NFASC: variants seen among roughly 807,000 people sequenced by gnomAD.
The protein encoded by NFASC is neurofascin, also known as neurofascin homolog.
A neutral mutation model predicts 147.5 loss-of-function variants in NFASC; 43 were observed. That is an observed-to-expected ratio of 0.29 (90% CI 0.23 to 0.38). The LOEUF (loss-of-function observed/expected upper bound fraction) is 0.38. NFASC is among the 10% of genes least tolerant of loss of function. The pLI, the probability that NFASC is intolerant of heterozygous loss-of-function variation, is 1.00. For missense variants in NFASC, 1,320 were observed against 1,689.0 expected (o/e 0.78, Z 3.83); for synonymous variants, 622 against 665.5 (o/e 0.93, Z 1.01).
intron 1 of NFASC, among the ~76,000 whole-genome samples, chr1:204,877,049 AATATATTTATTTATATATTTAT>A (rs2079110895): frequency 1.1e-5 from 1 of 92,618 alleles, no homozygotes; most frequent in African/African-American, 6.2e-5. Flanking sequence ...ATATATATAT[AATATATTTATTTATATATTTAT>A]ATATATATAA....
chr1:204,973,154 G>GC, intron 11 of NFASC, 122 bp from the exon 12 acceptor site: 1 of 985,736 alleles, frequency 1.0e-6, no homozygotes, highest in Non-Finnish European at 1.5e-6. Flanking sequence ...CTGTCATCTG[G>GC]CCCCCCATCT....
chr1:204,974,968 C>T (rs1484719478), intron 14 of NFASC, 145 bp downstream of exon 14: 3 of 848,766 alleles, frequency 3.5e-6, no homozygotes, highest in Non-Finnish European at 3.7e-6. Flanking sequence ...CTGTGGAGTC[C>T]TTTTAGGATC....
rs7539078 is a variant in NFASC at position 204,951,587 on chromosome 1, G to A, written c.110-424G>A. ...GGGTTCTTGTCATTCTCCTGCCTCA[G>A]CCTCCCGAGTAGCTGGGACTACAGG... On this transcript the variant is annotated intron_variant, in intron 4 of 29. Coordinates refer to ENST00000339876, the MANE Select transcript of NFASC (RefSeq NM_001005388.3). 7.0e-3 allele frequency among the ~76,000 whole-genome samples: 1,055 copies of A among 151,448 alleles called. 10 individuals are homozygous for A. Among genetic ancestry groups the A allele is most frequent in the African/African-American group, 0.024 (980 of 41,198 alleles).
chr1:204,890,878 A>G (rs1341012827), intron 1 of NFASC, among the ~76,000 whole-genome samples: 1 of 152,166 alleles, frequency 6.6e-6, no homozygotes, highest in Non-Finnish European at 1.5e-5. Flanking sequence ...CCAGGGAGGC[A>G]CTTTTCTAAG....
chr1:204,841,245 A>G (rs568083518), intron 1 of NFASC, among the ~76,000 whole-genome samples: 1 of 152,340 alleles, frequency 6.6e-6, no homozygotes, highest in South Asian at 2.1e-4. Context: ...CATTACACTG[A>G]GAAAATGGAA....
chr1:204,912,052 C>T (rs1308372848), intron 1 of NFASC, among the ~76,000 whole-genome samples: 1 of 151,998 alleles, frequency 6.6e-6, no homozygotes, highest in Non-Finnish European at 1.5e-5. Flanking sequence ...AAAGGACTGT[C>T]AATTGAAGTG....
At chr1:205,005,332 T>C (rs1255560305) in intron 27 of NFASC, among the ~76,000 whole-genome samples, 4 of 152,204 alleles carry the variant, frequency 2.6e-5, no homozygotes, top group African/African-American at 9.6e-5. Flanking sequence ...TCCTCCCAGT[T>C]AGAATTAGGA....
intron 1 of NFASC, among the ~76,000 whole-genome samples, chr1:204,895,169 G>T (rs2083155719): frequency 2.0e-5 from 3 of 151,944 alleles, no homozygotes; most frequent in Admixed American, 1.3e-4. Flanking sequence ...ATCCAAACTG[G>T]TATCCTTCCT....
intron 3 of NFASC, chr1:204,946,268 T>G: frequency 2.0e-6 from 1 of 493,020 alleles, no homozygotes; most frequent in Non-Finnish European, 4.1e-6. Flanking sequence ...CACCAGGAAG[T>G]GAGCTAAGTG....
intron 2 of NFASC, among the ~76,000 whole-genome samples, chr1:204,941,710 T>G (rs1022496899): frequency 1.3e-5 from 2 of 152,154 alleles, no homozygotes; most frequent in African/African-American, 4.8e-5. Context: ...TCTTAGAGAG[T>G]TGGGAAGGTG....
In NFASC at chr1:204,869,327, C is replaced by T. The variant is rs142879673; in HGVS notation, c.-200+40545C>T. On this transcript the variant is annotated intron_variant, in intron 1 of 29. Coordinates refer to ENST00000339876, the MANE Select transcript of NFASC (RefSeq NM_001005388.3). ...CACAATGAGTACTTTATCTTGTTAACAAAAGTGATTTATGTTTACATTGCA... is the reference window on the plus strand; with the variant it reads ...CACAATGAGTACTTTATCTTGTTAATAAAAGTGATTTATGTTTACATTGCA... Among the ~76,000 whole-genome samples, 36 of 152,010 alleles carry T rather than the reference C, an allele frequency of 2.4e-4. No homozygotes were observed. In the East Asian group the frequency reaches 5.6e-3, roughly 24 times the overall value.
chr1:205,004,798 G>A (rs1005953546), intron 27 of NFASC, among the ~76,000 whole-genome samples: 1 of 152,148 alleles, frequency 6.6e-6, no homozygotes, highest in Non-Finnish European at 1.5e-5. Flanking sequence ...ACTTGAGTGC[G>A]CTATAGCAGT....
intron 11 of NFASC, 123 bp from the exon 12 acceptor site, chr1:204,973,152 TG>T: frequency 1.0e-6 from 1 of 968,038 alleles, no homozygotes; most frequent in Non-Finnish European, 1.6e-6. Flanking sequence ...CCCTGTCATC[TG>T]GCCCCCCATC....
At chr1:205,008,602 T>TCCCAAA (rs1312540125) in intron 27 of NFASC, 3 of 147,424 alleles carry the variant, frequency 2.0e-5, no homozygotes, top group Admixed American at 1.4e-4. Flanking sequence ...ACACCCCCCC[T>TCCCAAA]CCCAAACCCA....
intron 2 of NFASC, among the ~76,000 whole-genome samples, chr1:204,939,169 GATTT>G (rs576790553): frequency 1.8e-3 from 267 of 150,730 alleles, no homozygotes; most frequent in Non-Finnish European, 2.7e-3. Flanking sequence ...ATCCACATAG[GATTT>G]ATTTCTTTGT....
At chr1:204,943,111 A>G (rs1314130329) in intron 2 of NFASC, among the ~76,000 whole-genome samples, 1 of 152,222 alleles carries the variant, frequency 6.6e-6, no homozygotes, top group Non-Finnish European at 1.5e-5. Flanking sequence ...TGATGTGTCC[A>G]TCTGATAGGT....
chr1:204,873,037 G>C (rs541108668), intron 1 of NFASC, among the ~76,000 whole-genome samples: 2 of 152,272 alleles, frequency 1.3e-5, no homozygotes, highest in Admixed American at 1.3e-4. Flanking sequence ...CTGCCATGTT[G>C]CCTCTCAGTA....
In NFASC at chr1:205,012,862, T is replaced by C. The variant is rs2096278011; in HGVS notation, c.3487T>C (p.Tyr1163His). 6.2e-6 allele frequency: 10 copies of C among 1,610,528 alleles called. No homozygotes were observed. Among genetic ancestry groups the C allele is most frequent in the Non-Finnish European group, 8.5e-6 (10 of 1,176,700 alleles). The part of the protein sequence containing the change: ...DPKEEDGSFD[Y>H]SDEDNKPLQG... ...CAAGGAAGAGGATGGCTCATTTGAC[T>C]ATAGGTGCGTGATCTCCCTCCTCCT... Residue 1163 changes from tyrosine to histidine, a missense_variant, in exon 29 of 30, where the codon TAT becomes CAT. By Grantham distance (83) the Tyr-to-His change is moderately conservative. Around this residue, in one of 3 missense-constraint regions of NFASC, gnomAD observed 167 missense variants for 233.8 expected, o/e 0.71. Coordinates refer to ENST00000339876, the MANE Select transcript of NFASC (RefSeq NM_001005388.3).
At chr1:204,952,728 C>T (rs753777215) in intron 5 of NFASC, among the ~76,000 whole-genome samples, 18 of 152,202 alleles carry the variant, frequency 1.2e-4, no homozygotes, top group Non-Finnish European at 1.8e-4. Flanking sequence ...TGATAAGCAT[C>T]GGAGACATGA....
Sources: gnomAD v4.1 joint callset for allele counts (sites outside exome capture counted in the v4.1 genomes callset) on GRCh38, gnomAD v4.1.1 for gene constraint, gnomAD v4.1.1 regional missense constraint, MANE v1.5 for transcripts, NCBI Gene and HGNC (gene_info 2026-07-23, HGNC 2026-07-21) for gene names.